Variants in CNTN4 observed in about 807,000 individuals in gnomAD.
CNTN4 encodes contactin 4, also known as contactin-4.
Under a neutral mutation model 122.5 loss-of-function variants are expected in CNTN4, and 77 were observed. The observed-to-expected ratio is 0.63, with a 90% confidence interval of 0.52 to 0.76. The LOEUF (loss-of-function observed/expected upper bound fraction) is 0.76, where lower values mean the gene tolerates loss of function less well. Ranked by LOEUF, CNTN4 falls within the 30% of genes least tolerant of loss-of-function variation. CNTN4 has a pLI of 0.00. For synonymous variants in CNTN4, 512 were observed against 447.0 expected, an observed-to-expected ratio of 1.15 and a Z score of -1.83; for missense variants, 1,256 against 1,259.1, an observed-to-expected ratio of 1.00 and a Z score of 0.04.
At chr3:2,948,298 C>T (rs747460714) in intron 13 of CNTN4, among the ~76,000 whole-genome samples, 1 of 152,204 alleles carries the variant, frequency 6.6e-6, no homozygotes. Flanking sequence ...ACCTACAATA[C>T]GTTCAAGCCT....
In CNTN4 at chr3:2,917,220, A is replaced by G. The variant is rs368126899; in HGVS notation, c.1208-8409A>G. On this transcript the variant is annotated intron_variant, in intron 12 of 24. Transcript: ENST00000418658. ...GCAGGCTGAGGCAGGAGAATCAGGC[A>G]GGGAGGTCGCAGTGAGCCGAGATGG... Among the ~76,000 whole-genome samples, 600 of 151,534 alleles carry G rather than the reference A, an allele frequency of 4.0e-3. 28 individuals carry two copies. The East Asian group carries it at 0.088, about 22-fold the overall frequency.
chr3:2,333,712 G>GAAATGCATCCCAATTCTGACTGAA (rs1367113658), intron 2 of CNTN4, among the ~76,000 whole-genome samples: 1 of 152,198 alleles, frequency 6.6e-6, no homozygotes, highest in East Asian at 1.9e-4. Context: ...AGCACGATTA[G>GAAATGCATCCCAATTCTGACTGAA]AAATGCATCC....
intron 4 of CNTN4, among the ~76,000 whole-genome samples, chr3:2,721,837 C>T (rs1454921905): frequency 6.6e-6 from 1 of 152,148 alleles, no homozygotes; most frequent in Non-Finnish European, 1.5e-5. Flanking sequence ...ATGTTGAAAT[C>T]CTAACCCTGA....
intron 3 of CNTN4, among the ~76,000 whole-genome samples, chr3:2,471,993 T>C (rs978154316): frequency 6.6e-6 from 1 of 152,062 alleles, no homozygotes; most frequent in African/African-American, 2.4e-5. Flanking sequence ...CTACCTAGAA[T>C]TGTAAACAAG....
At chr3:2,337,968 T>C (rs756065439) in intron 2 of CNTN4, among the ~76,000 whole-genome samples, 5 of 152,088 alleles carry the variant, frequency 3.3e-5, no homozygotes, top group Non-Finnish European at 5.9e-5. Flanking sequence ...TACTAAACTT[T>C]TGTAGCTGAC....
At chr3:2,980,127 AT>A (rs1693824073) in intron 13 of CNTN4, among the ~76,000 whole-genome samples, 1 of 152,242 alleles carries the variant, frequency 6.6e-6, no homozygotes, top group South Asian at 2.1e-4. Context: ...GATAGATTCA[AT>A]TTATCTCCTG....
rs540862104 is a variant in CNTN4 at position 2,356,237 on chromosome 3, A to G, written c.-89+17004A>G. ...TAAAGTGAAAGCAATTTTATTAAGA[A>G]AGTAAAGGAATAAGAGAATGGCTAC... On this transcript the variant is annotated intron_variant, in intron 3 of 24. Coordinates refer to ENST00000418658, the MANE Select transcript of CNTN4 (RefSeq NM_175607.3). Among the ~76,000 whole-genome samples, 43 of 152,322 alleles carry G rather than the reference A, an allele frequency of 2.8e-4. 1 individual carries two copies. The highest frequency in any genetic ancestry group is 3.4e-3 in the Middle Eastern group (1 of 294).
chr3:2,909,309 T>C (rs2094273248), intron 12 of CNTN4, among the ~76,000 whole-genome samples: 1 of 152,200 alleles, frequency 6.6e-6, no homozygotes, highest in South Asian at 2.1e-4. Flanking sequence ...ATTGATCATA[T>C]ACGTACCAGT....
At chr3:2,740,059 C>A (rs189838333) in intron 5 of CNTN4, among the ~76,000 whole-genome samples, 1 of 152,006 alleles carries the variant, frequency 6.6e-6, no homozygotes, top group East Asian at 1.9e-4. Context: ...ACCTTTAACT[C>A]AAAATAGTCA....
At chr3:2,553,886 C>G (rs2078615392) in intron 3 of CNTN4, among the ~76,000 whole-genome samples, 1 of 152,074 alleles carries the variant, frequency 6.6e-6, no homozygotes, top group Admixed American at 6.6e-5. Flanking sequence ...TTGAACCAAA[C>G]CAGTAGACGA....
intron 3 of CNTN4, among the ~76,000 whole-genome samples, chr3:2,357,419 T>C (rs535520722): frequency 5.9e-5 from 9 of 152,218 alleles, no homozygotes; most frequent in Non-Finnish European, 1.0e-4. Flanking sequence ...TTATGTCGAT[T>C]CCATGCTGTT....
chr3:2,275,661 C>T (rs564293333), intron 2 of CNTN4, among the ~76,000 whole-genome samples: 1 of 152,140 alleles, frequency 6.6e-6, no homozygotes, highest in East Asian at 1.9e-4. Flanking sequence ...GTGGGTAACA[C>T]CTGTAATCCC....
chr3:2,656,081 C>T (rs868095941), intron 4 of CNTN4, among the ~76,000 whole-genome samples: 1 of 152,082 alleles, frequency 6.6e-6, no homozygotes, highest in South Asian at 2.1e-4. Flanking sequence ...AGAATTGTAA[C>T]CGTATTTGGC....
intron 3 of CNTN4, among the ~76,000 whole-genome samples, chr3:2,553,109 A>G (rs2078581678): frequency 6.6e-6 from 1 of 152,166 alleles, no homozygotes; most frequent in Non-Finnish European, 1.5e-5. Flanking sequence ...TCACCAGGTT[A>G]TTGATTAAAC....
At chr3:2,822,906 C>G (rs575776562) in intron 7 of CNTN4, among the ~76,000 whole-genome samples, 1 of 152,248 alleles carries the variant, frequency 6.6e-6, no homozygotes, top group African/African-American at 2.4e-5. Context: ...AATAAATATT[C>G]TTATTATAAG....
At chr3:2,724,008 C>G (rs1215515997) in intron 4 of CNTN4, among the ~76,000 whole-genome samples, 1 of 152,122 alleles carries the variant, frequency 6.6e-6, no homozygotes, top group Admixed American at 6.5e-5. Flanking sequence ...TGTAGAGAGC[C>G]TAACCTTATT....
At chr3:2,432,744 T>G (rs1434289071) in intron 3 of CNTN4, among the ~76,000 whole-genome samples, 1 of 152,126 alleles carries the variant, frequency 6.6e-6, no homozygotes, top group Non-Finnish European at 1.5e-5. Context: ...ATTGCTTTCA[T>G]ATTTTAGCTC....
intron 4 of CNTN4, among the ~76,000 whole-genome samples, chr3:2,665,212 C>T (rs1377241192): frequency 6.6e-6 from 1 of 152,142 alleles, no homozygotes; most frequent in Non-Finnish European, 1.5e-5. Context: ...TTGCATCATT[C>T]TTGTGAGTTG....
chr3:2,949,483 A>G (rs148113996), intron 13 of CNTN4, among the ~76,000 whole-genome samples: 1 of 152,262 alleles, frequency 6.6e-6, no homozygotes, highest in East Asian at 1.9e-4. Flanking sequence ...TGCTTTTTTC[A>G]GTGCCAAGTG....
Sources: allele counts gnomAD v4.1 joint callset (sites outside exome capture counted in the v4.1 genomes callset), GRCh38; gene constraint gnomAD v4.1.1; transcripts MANE v1.5; gene names NCBI Gene and HGNC (gene_info 2026-07-23, HGNC 2026-07-21).